Variants in ETNK1 observed in about 807,000 individuals in gnomAD.
ETNK1 encodes the protein putative protein product of Nbla10396.
A neutral mutation model predicts 45.1 loss-of-function variants in ETNK1; 8 were observed. The observed-to-expected ratio is 0.18, with a 90% confidence interval of 0.10 to 0.32. ETNK1 has a LOEUF of 0.32. Ranked by LOEUF, ETNK1 falls within the 10% of genes least tolerant of loss-of-function variation. The pLI is 1.00. For missense variants in ETNK1, 302 were observed against 430.6 expected (o/e 0.70, Z 2.64); for synonymous variants, 152 against 151.9 (o/e 1.00, Z -0.01).
chr12:22,680,891 C>CG (rs1491129295), intron 6 of ETNK1, among the ~76,000 whole-genome samples: 1 of 20,520 alleles, frequency 4.9e-5, no homozygotes, highest in African/African-American at 1.7e-4. Context: ...AGCTTTTCTT[C>CG]CCCCGCCCCC....
intron 4 of ETNK1, among the ~76,000 whole-genome samples, chr12:22,668,169 A>G (rs770499571): frequency 4.5e-4 from 68 of 152,198 alleles, no homozygotes; most frequent in Non-Finnish European, 8.5e-4. Flanking sequence ...GCACATACAC[A>G]TAAAATTTTA....
At chr12:22,627,325 C>T (rs1219008978) in intron 1 of ETNK1, among the ~76,000 whole-genome samples, 1 of 152,040 alleles carries the variant, frequency 6.6e-6, no homozygotes, top group Non-Finnish European at 1.5e-5. Flanking sequence ...TTTCTTGTAG[C>T]AACTTTTAAC....
At chr12:22,676,850 T>C (rs951342316) in intron 6 of ETNK1, among the ~76,000 whole-genome samples, 5 of 136,634 alleles carry the variant, frequency 3.7e-5, no homozygotes, top group African/African-American at 9.9e-5. Flanking sequence ...GCCTACGTTT[T>C]GATGGGTTTT....
At chr12:22,665,065 T>C (rs948546706) in intron 4 of ETNK1, among the ~76,000 whole-genome samples, 1 of 152,150 alleles carries the variant, frequency 6.6e-6, no homozygotes, top group Non-Finnish European at 1.5e-5. Flanking sequence ...AAAGCAGATA[T>C]ATTTATAGCT....
intron 1 of ETNK1, among the ~76,000 whole-genome samples, chr12:22,629,578 C>G (rs926630244): frequency 6.6e-5 from 10 of 151,878 alleles, no homozygotes; most frequent in African/African-American, 2.4e-4. Flanking sequence ...AAGAAAAAGC[C>G]AGATCTATAC....
At chr12:22,651,180 A>G (rs1438765792) in intron 2 of ETNK1, among the ~76,000 whole-genome samples, 1 of 152,166 alleles carries the variant, frequency 6.6e-6, no homozygotes, top group African/African-American at 2.4e-5. Context: ...GGCACGGAAG[A>G]TTGGTCGGAC....
At chr12:22,656,461 AAG>A (rs1953942027) in intron 2 of ETNK1, 1 of 985,278 alleles carries the variant, frequency 1.0e-6, no homozygotes, top group African/African-American at 1.7e-5. Context: ...CTTAGTTCTA[AAG>A]AGACTGTTTG....
Position 22,651,368 on chromosome 12 carries a change from C to T in ETNK1, c.416+7346C>T, listed in dbSNP as rs547086461. On this transcript the variant is annotated intron_variant, in intron 2 of 7. Transcript: ENST00000266517. ...GTGAACATACCTGACTTCCAGGTAG[C>T]CCTTTTCTACTGGCACAGCTGCTGG... Among the ~76,000 whole-genome samples the T allele has an allele frequency of 5.3e-5, 8 of 152,268 alleles. No homozygotes were observed. In the East Asian group the frequency reaches 1.5e-3, roughly 29 times the overall value.
At chr12:22,634,921 T>C (rs539911760) in intron 1 of ETNK1, among the ~76,000 whole-genome samples, 28 of 152,330 alleles carry the variant, frequency 1.8e-4, no homozygotes, top group Non-Finnish European at 2.8e-4. Flanking sequence ...ATTATTTCCT[T>C]CCTAATCGTT....
At chr12:22,627,834 AT>A (rs1953524693) in intron 1 of ETNK1, among the ~76,000 whole-genome samples, 3 of 152,084 alleles carry the variant, frequency 2.0e-5, no homozygotes, top group African/African-American at 7.2e-5. Context: ...AGTAATACTT[AT>A]CTGGTGATTG....
intron 1 of ETNK1, among the ~76,000 whole-genome samples, chr12:22,637,834 G>A (rs1278604003): frequency 6.6e-6 from 1 of 151,558 alleles, no homozygotes; most frequent in Non-Finnish European, 1.5e-5. Context: ...CTTATATTGG[G>A]TAAAGGAAGA....
intron 4 of ETNK1, among the ~76,000 whole-genome samples, chr12:22,670,899 T>G (rs1954101219): frequency 6.6e-6 from 1 of 152,208 alleles, no homozygotes; most frequent in Non-Finnish European, 1.5e-5. Context: ...TTACACAGAT[T>G]ATTAGTAATT....
At chr12:22,684,797 C>A in intron 7 of ETNK1, 85 bp from the exon 8 acceptor site, 1 of 1,081,778 alleles carries the variant, frequency 9.2e-7, no homozygotes. Context: ...TTAAGAAAAC[C>A]AGCTTAGAGG....
rs1386448216 is a variant in ETNK1, at chr12:22,687,738, T to C, written c.*2784T>C. The C allele has an allele frequency of 6.6e-6, 1 of 152,294 alleles. No individual in the cohort carries two copies. The highest frequency in any genetic ancestry group is 1.5e-5 in the Non-Finnish European group (1 of 67,778). The allele number at this position is 152,294 out of a possible 1,614,324, so 9.4% of individuals were successfully genotyped here. A position where few individuals can be genotyped will look rare whatever the true frequency, so the allele number is the denominator to read the frequency against. Reference sequence around the variant, plus strand: ...CTGGAATGTATATAAAAAATGTAAATAAAAATTTGTAAATTAGTGTGAACT... The same window carrying C: ...CTGGAATGTATATAAAAAATGTAAACAAAAATTTGTAAATTAGTGTGAACT... On this transcript the variant is annotated 3_prime_UTR_variant, in exon 8 of 8. Transcript: ENST00000266517.
At chr12:22,644,254 T>G in intron 2 of ETNK1, 1 of 1,608,956 alleles carries the variant, frequency 6.2e-7, no homozygotes. Flanking sequence ...TACAAGATGT[T>G]TTGGATTAAC....
intron 1 of ETNK1, chr12:22,625,880 C>T: frequency 3.1e-6 from 2 of 652,354 alleles, no homozygotes; most frequent in Middle Eastern, 2.4e-4. Context: ...CCCCTCCTCC[C>T]ACTCCCCAGT....
intron 1 of ETNK1, among the ~76,000 whole-genome samples, chr12:22,627,680 A>C (rs1181107081): frequency 6.6e-6 from 1 of 152,116 alleles, no homozygotes; most frequent in Non-Finnish European, 1.5e-5. Context: ...ATTTCAGAGG[A>C]AGTATGTATT....
At chr12:22,633,191 A>C (rs1953603690) in intron 1 of ETNK1, among the ~76,000 whole-genome samples, 1 of 152,220 alleles carries the variant, frequency 6.6e-6, no homozygotes. Context: ...TATTCCTAAC[A>C]GCATTATGTG....
intron 6 of ETNK1, among the ~76,000 whole-genome samples, chr12:22,681,139 C>T (rs1221403751): frequency 6.6e-6 from 1 of 151,832 alleles, no homozygotes; most frequent in Non-Finnish European, 1.5e-5. Flanking sequence ...TGTTTTCTGC[C>T]TTTGTTTCTC....
Sources: gnomAD v4.1 joint callset for allele counts (sites outside exome capture counted in the v4.1 genomes callset) on GRCh38, gnomAD v4.1.1 for gene constraint, MANE v1.5 for transcripts, NCBI Gene and HGNC (gene_info 2026-07-23, HGNC 2026-07-21) for gene names.